The following ZNF536 variants were observed in gnomAD, a reference collection of about 807,000 sequenced individuals.
ZNF536 encodes zinc finger protein 536.
A neutral mutation model predicts 84.5 loss-of-function variants in ZNF536; 13 were observed. The observed-to-expected ratio is 0.15, with a 90% CI of 0.10 to 0.24. ZNF536 has a LOEUF of 0.24. Among genes scored for constraint, ZNF536 ranks in the 10% least tolerant of loss-of-function variants. The probability of loss-of-function intolerance (pLI) is 1.00; values close to 1 mark genes in which losing one functional copy is unlikely to be tolerated. For synonymous variants in ZNF536, 811 were observed against 742.5 expected, an observed-to-expected ratio of 1.09 and a Z score of -1.50; for missense variants, 1,536 against 1,747.5, an observed-to-expected ratio of 0.88 and a Z score of 2.16.
At chr19:30,414,257 T>C (rs1284436261) in intron 1 of ZNF536, among the ~76,000 whole-genome samples, 1 of 152,164 alleles carries the variant, frequency 6.6e-6, no homozygotes, top group Non-Finnish European at 1.5e-5. Context: ...GTGAAACTGG[T>C]TCTCACATAA....
rs1452244836 is a variant in ZNF536 at position 30,700,213 on chromosome 19, C to CTTTCTTTCT, written c.170-10542_170-10541insTCTTTCTTT. On this transcript the variant is annotated intron_variant, in intron 1 of 1. Coordinates refer to the ZNF536 transcript ENST00000592773. ...CCTTCTTTCTTTCCTTCTTTCTTTC[C>CTTTCTTTCT]TTCTTTCTTTCTTTCTTTCTTTCTT... Among the ~76,000 whole-genome samples, 98 of 102,664 alleles carry CTTTCTTTCT rather than the reference C, an allele frequency of 9.5e-4. 1 individual carries two copies. Among genetic ancestry groups the CTTTCTTTCT allele is most frequent in the Non-Finnish European group, 1.2e-3 (60 of 49,000 alleles). 67.4% of individuals were successfully genotyped at this position (102,664 alleles called of 152,430 possible). A position where few individuals can be genotyped will look rare whatever the true frequency, so the allele number is the denominator to read the frequency against.
At chr19:30,646,093 A>AT (rs778570373) in intron 1 of ZNF536, among the ~76,000 whole-genome samples, 4 of 151,744 alleles carry the variant, frequency 2.6e-5, no homozygotes, top group Non-Finnish European at 1.5e-5. Context: ...TTCTGCCATT[A>AT]TTTTTTCAGA....
chr19:30,617,130 TA>T (rs1325219925), intron 1 of ZNF536, among the ~76,000 whole-genome samples: 2 of 151,470 alleles, frequency 1.3e-5, no homozygotes, highest in African/African-American at 2.4e-5. Context: ...TTTTTATTTT[TA>T]TTTTTTTTTT....
intron 2 of ZNF536, among the ~76,000 whole-genome samples, chr19:30,350,616 A>G (rs2047901827): frequency 6.6e-6 from 1 of 152,252 alleles, no homozygotes; most frequent in East Asian, 1.9e-4. Context: ...GTGTTGAGAC[A>G]TGCTCTGAAT....
At chr19:30,691,356 C>A (rs1035364999) in intron 1 of ZNF536, among the ~76,000 whole-genome samples, 2 of 152,048 alleles carry the variant, frequency 1.3e-5, no homozygotes, top group Non-Finnish European at 1.5e-5. Context: ...GGATCCCAGG[C>A]CAGATGGAAC....
intron 2 of ZNF536, among the ~76,000 whole-genome samples, chr19:30,481,234 A>G (rs932270983): frequency 6.6e-6 from 1 of 152,184 alleles, no homozygotes; most frequent in Admixed American, 6.5e-5. Flanking sequence ...ACATCTATGC[A>G]TATGTGCATG....
At chr19:30,428,539 G>A (rs539011959) in intron 1 of ZNF536, among the ~76,000 whole-genome samples, 1 of 152,298 alleles carries the variant, frequency 6.6e-6, no homozygotes, top group East Asian at 1.9e-4. Flanking sequence ...ACCCTGTGGG[G>A]ACCACAGTGG....
At chr19:30,275,395 A>G (rs2026071138) in intron 1 of ZNF536, among the ~76,000 whole-genome samples, 2 of 152,296 alleles carry the variant, frequency 1.3e-5, no homozygotes, top group South Asian at 4.1e-4. Flanking sequence ...CAGGTGCAGA[A>G]TGGTGCCAAG....
At chr19:30,487,683 A>G (rs766743643) in intron 2 of ZNF536, among the ~76,000 whole-genome samples, 1 of 151,990 alleles carries the variant, frequency 6.6e-6, no homozygotes, top group African/African-American at 2.4e-5. Context: ...TTTGTTCTTC[A>G]AAAACCTGAA....
At chr19:30,252,565 T>C (rs2024676370) in intron 1 of ZNF536, among the ~76,000 whole-genome samples, 1 of 149,406 alleles carries the variant, frequency 6.7e-6, no homozygotes, top group African/African-American at 2.5e-5. Context: ...CTGTATGCCA[T>C]AGCCCGAGAG....
At position 30,444,371 on chromosome 19, in the gene ZNF536, C is replaced by T; in HGVS notation, c.809C>T (p.Pro270Leu). The T allele has an allele frequency of 6.2e-7, 1 of 1,603,366 alleles. No individual in the cohort carries two copies. Among genetic ancestry groups the T allele is most frequent in the Non-Finnish European group, 8.5e-7 (1 of 1,179,348 alleles). The change falls in exon 2 of 5, where the codon CCG becomes CTG. Residue 270 changes from proline (P) to leucine (L), a missense_variant. Pro to Leu is a moderately conservative substitution (Grantham distance 98, BLOSUM62 -3). This residue lies in a region of ZNF536 where 138 missense variants were observed against 136.8 expected (regional missense o/e 1.01). Coordinates refer to ENST00000355537, the MANE Select transcript of ZNF536 (RefSeq NM_014717.3). ...AGCGTGCAGGAGGACGCGGTGGCCC[C>T]GGCGGCGGGCTTCCGCTGTACCTTC... ...PASVQEDAVA[P>L]AAGFRCTFCK...
chr19:30,635,676 A>C (rs2049039597), intron 1 of ZNF536, among the ~76,000 whole-genome samples: 1 of 152,258 alleles, frequency 6.6e-6, no homozygotes, highest in South Asian at 2.1e-4. Context: ...TTCAAAAAGC[A>C]GGGCAGATTG....
intron 2 of ZNF536, among the ~76,000 whole-genome samples, chr19:30,446,860 G>A (rs1189342323): frequency 6.6e-6 from 1 of 150,832 alleles, no homozygotes; most frequent in Non-Finnish European, 1.5e-5. Context: ...AGCCTCAGAC[G>A]GCTAAATTAA....
upstream of ZNF536, among the ~76,000 whole-genome samples, chr19:30,225,866 C>G (rs2022584305): frequency 6.8e-6 from 1 of 147,112 alleles, no homozygotes; most frequent in African/African-American, 2.5e-5. Flanking sequence ...TTCCTTCTCG[C>G]CCCATCGCGA....
At chr19:30,360,499 G>A (rs997885747) in intron 3 of ZNF536, among the ~76,000 whole-genome samples, 3 of 152,190 alleles carry the variant, frequency 2.0e-5, no homozygotes, top group African/African-American at 7.2e-5. Flanking sequence ...TTATATCGAG[G>A]CTGTTTACAG....
chr19:30,435,481 CTGA>C (rs1403273489), intron 1 of ZNF536, among the ~76,000 whole-genome samples: 2 of 150,194 alleles, frequency 1.3e-5, no homozygotes, highest in Non-Finnish European at 3.0e-5. Flanking sequence ...GCTGCTGCTG[CTGA>C]TGATGACGAT....
At chr19:30,397,012 C>G (rs543676050) in intron 1 of ZNF536, among the ~76,000 whole-genome samples, 2 of 152,290 alleles carry the variant, frequency 1.3e-5, no homozygotes, top group Admixed American at 1.3e-4. Flanking sequence ...CCCAGAGCTC[C>G]CAGTTGGCCC....
intron 1 of ZNF536, among the ~76,000 whole-genome samples, chr19:30,268,952 C>T (rs1014230466): frequency 1.3e-5 from 2 of 152,288 alleles, no homozygotes; most frequent in Non-Finnish European, 2.9e-5. Flanking sequence ...GGTTCTAAGT[C>T]AAGTAGTTTG....
At position 30,299,888 on chromosome 19, in the gene ZNF536, C is replaced by CA. The variant is rs553785971; in HGVS notation, c.-120+15753dup. Among the ~76,000 whole-genome samples the CA allele has an allele frequency of 1.8e-4, 27 of 152,096 alleles. No individual in the cohort carries two copies. In the South Asian group the frequency reaches 3.5e-3, roughly 20 times the overall value. On this transcript the variant is annotated intron_variant, in intron 2 of 5. Coordinates refer to the ZNF536 transcript ENST00000585628. Reference sequence around the variant, plus strand: ...AAAGGAAATTGCTGCTTTTTTATATCAAAAAAGCCTTTTTTGAAAAATCAT... The same window carrying CA: ...AAAGGAAATTGCTGCTTTTTTATATCAAAAAAAGCCTTTTTTGAAAAATCAT...
Sources: allele counts gnomAD v4.1 joint callset (sites outside exome capture counted in the v4.1 genomes callset), GRCh38; gene constraint gnomAD v4.1.1; regional missense constraint gnomAD v4.1.1; transcripts MANE v1.5; gene names NCBI Gene and HGNC (gene_info 2026-07-23, HGNC 2026-07-21).